MDFIC2: variants seen among roughly 807,000 people sequenced by gnomAD.
MDFIC2 encodes MyoD family inhibitor domain containing 2.
At chr3:70,272,744 T>C (rs1701986702) in intron 2 of MDFIC2, among the ~76,000 whole-genome samples, 1 of 152,220 alleles carries the variant, frequency 6.6e-6, no homozygotes, top group Non-Finnish European at 1.5e-5. Context: ...AACATTATTA[T>C]CCTTCCTCTA....
chr3:70,250,632 C>CA (rs1257752340), intron 2 of MDFIC2, among the ~76,000 whole-genome samples: 1 of 152,154 alleles, frequency 6.6e-6, no homozygotes, highest in East Asian at 1.9e-4. Flanking sequence ...TGTGTAATTT[C>CA]AAATTACGCT....
rs138327238 is a variant in MDFIC2, at chr3:70,306,120, T to G, written c.88+5766A>C. On this transcript the variant is annotated intron_variant, in intron 2 of 3. Coordinates refer to ENST00000567252, the MANE Select transcript of MDFIC2 (RefSeq NM_001364677.1). Reference sequence around the variant, plus strand: ...TGGAGTTTATTTATTTATTTATTTATTGAGATGGAGTCTTGCTCTCTTACT... The same window carrying G: ...TGGAGTTTATTTATTTATTTATTTAGTGAGATGGAGTCTTGCTCTCTTACT... Among the ~76,000 whole-genome samples, 355 of 152,296 alleles carry G rather than the reference T, an allele frequency of 2.3e-3. 3 individuals carry two copies. Among genetic ancestry groups the G allele is most frequent in the African/African-American group, 7.8e-3 (324 of 41,556 alleles).
chr3:70,304,580 C>T (rs1021585706), intron 2 of MDFIC2, among the ~76,000 whole-genome samples: 5 of 152,162 alleles, frequency 3.3e-5, no homozygotes, highest in Non-Finnish European at 2.9e-5. Context: ...TGTATCACCC[C>T]ACACTAAGGC....
Position 70,306,406 on chromosome 3 carries a change from C to T in MDFIC2, c.88+5480G>A, listed in dbSNP as rs74280909. The stretch of plus-strand genomic sequence containing the variant: ...GATTATAGGCATGAGCTACCTCACC[C>T]GGCCAATAATCGTTTTTATATCATC... On this transcript the variant is annotated intron_variant, in intron 2 of 3. Coordinates refer to ENST00000567252, the MANE Select transcript of MDFIC2 (RefSeq NM_001364677.1). Among the ~76,000 whole-genome samples, 3 of 152,240 alleles carry T rather than the reference C, an allele frequency of 2.0e-5. No homozygotes were observed. In the East Asian group the frequency reaches 5.8e-4, roughly 29 times the overall value.
intron 2 of MDFIC2, among the ~76,000 whole-genome samples, chr3:70,306,925 C>A (rs537951180): frequency 1.6e-3 from 246 of 152,042 alleles, no homozygotes; most frequent in African/African-American, 5.6e-3. Context: ...TACATATATA[C>A]ACATTGACTT....
intron 2 of MDFIC2, among the ~76,000 whole-genome samples, chr3:70,222,906 T>C (rs1463500177): frequency 6.6e-6 from 1 of 152,198 alleles, no homozygotes; most frequent in Non-Finnish European, 1.5e-5. Flanking sequence ...CCTTTTCAGG[T>C]GATCAGCTTG....
chr3:70,288,917 T>C (rs1702196943), intron 2 of MDFIC2, among the ~76,000 whole-genome samples: 1 of 151,884 alleles, frequency 6.6e-6, no homozygotes. Context: ...GCTTGGTAGA[T>C]CTTCCTCCAT....
chr3:70,236,839 TC>T (rs374142204), intron 2 of MDFIC2, among the ~76,000 whole-genome samples: 6 of 152,108 alleles, frequency 3.9e-5, no homozygotes, highest in African/African-American at 1.2e-4. Context: ...CAAGTGATTC[TC>T]CCTGCCTCAG....
intron 2 of MDFIC2, chr3:70,272,113 C>G (rs1448219923): frequency 6.6e-6 from 1 of 152,168 alleles, no homozygotes; most frequent in Non-Finnish European, 1.5e-5. Flanking sequence ...ATATCACATG[C>G]CCAGAGTTGC....
intron 2 of MDFIC2, among the ~76,000 whole-genome samples, chr3:70,274,181 G>T (rs561517090): frequency 6.6e-6 from 1 of 151,818 alleles, no homozygotes; most frequent in African/African-American, 2.4e-5. Context: ...TGTGTAGGGG[G>T]TGGGGGATGT....
intron 2 of MDFIC2, among the ~76,000 whole-genome samples, chr3:70,249,990 A>C (rs1701745286): frequency 6.6e-6 from 1 of 152,144 alleles, no homozygotes; most frequent in South Asian, 2.1e-4. Flanking sequence ...GTGTTGAGCT[A>C]TTTTGGTGTA....
intron 2 of MDFIC2, 127 bp downstream of exon 2, chr3:70,311,759 A>T: frequency 2.6e-6 from 1 of 387,788 alleles, no homozygotes; most frequent in Non-Finnish European, 4.5e-6. Flanking sequence ...AAAAGAAAAG[A>T]GTGAAAATCA....
chr3:70,208,775 A>G (rs772503469), intron 2 of MDFIC2, among the ~76,000 whole-genome samples: 46 of 152,200 alleles, frequency 3.0e-4, no homozygotes, highest in Non-Finnish European at 4.7e-4. Flanking sequence ...CTGGTAATAC[A>G]CAACTGTCTT....
At chr3:70,280,963 G>A (rs939724778) in intron 2 of MDFIC2, among the ~76,000 whole-genome samples, 2 of 152,062 alleles carry the variant, frequency 1.3e-5, no homozygotes, top group African/African-American at 2.4e-5. Flanking sequence ...TTGTGTGATC[G>A]TATTTCTACA....
intron 2 of MDFIC2, among the ~76,000 whole-genome samples, chr3:70,288,803 C>T (rs1702195952): frequency 1.3e-5 from 2 of 151,792 alleles, no homozygotes; most frequent in African/African-American, 4.8e-5. Flanking sequence ...GATCCCTTTA[C>T]CATTATGTAA....
intron 2 of MDFIC2, among the ~76,000 whole-genome samples, chr3:70,265,061 A>C (rs1486924923): frequency 3.9e-5 from 6 of 152,160 alleles, no homozygotes; most frequent in African/African-American, 1.4e-4. Flanking sequence ...TCACTATCAC[A>C]AGAACAGCGC....
chr3:70,278,220 C>T (rs561164341), intron 2 of MDFIC2, among the ~76,000 whole-genome samples: 1 of 152,150 alleles, frequency 6.6e-6, no homozygotes, highest in African/African-American at 2.4e-5. Context: ...ATTTGTCCAA[C>T]GTTTTGTCTG....
At position 70,263,681 on chromosome 3, in the gene MDFIC2, C is replaced by T. The variant is rs141704299; in HGVS notation, c.88+48205G>A. On this transcript the variant is annotated intron_variant, in intron 2 of 3. Coordinates refer to ENST00000567252, the MANE Select transcript of MDFIC2 (RefSeq NM_001364677.1). The stretch of plus-strand genomic sequence containing the variant: ...CTACGCAAATTTATAAAATATTTAT[C>T]TACCGAGCTCCCTTCTCTTGGGTTC... Among the ~76,000 whole-genome samples, 478 of 152,296 alleles carry T rather than the reference C, an allele frequency of 3.1e-3. 3 individuals carry two copies. The highest frequency in any genetic ancestry group is 0.011 in the African/African-American group (453 of 41,570).
At chr3:70,197,611 GT>G (rs1352481290) in intron 3 of MDFIC2, among the ~76,000 whole-genome samples, 2 of 152,176 alleles carry the variant, frequency 1.3e-5, no homozygotes, top group African/African-American at 4.8e-5. Context: ...CAAATGCCCT[GT>G]TTCTTGTCAC....
Sources: allele counts gnomAD v4.1 joint callset (sites outside exome capture counted in the v4.1 genomes callset), GRCh38; gene constraint gnomAD v4.1.1; transcripts MANE v1.5; gene names NCBI Gene and HGNC (gene_info 2026-07-23, HGNC 2026-07-21).